HAT1: variants seen among roughly 807,000 people sequenced by gnomAD.
HAT1 encodes the protein histone acetyltransferase type B catalytic subunit.
A neutral mutation model predicts 56.6 loss-of-function variants in HAT1; 20 were observed. The observed-to-expected ratio is 0.35, with a 90% CI of 0.25 to 0.51. The LOEUF is 0.51. Among genes scored for constraint, HAT1 ranks in the 20% least tolerant of loss-of-function variants. The probability of loss-of-function intolerance (pLI) is 0.95; values close to 1 mark genes in which losing one functional copy is unlikely to be tolerated. For synonymous variants in HAT1, 146 were observed against 165.5 expected (o/e 0.88, Z 0.91); for missense variants, 408 against 504.3 (o/e 0.81, Z 1.83).
intron 6 of HAT1, 129 bp downstream of exon 6, chr2:171,966,037 G>A: frequency 1.2e-6 from 1 of 841,524 alleles, no homozygotes; most frequent in Non-Finnish European, 1.9e-6. Context: ...TTGTTTATGA[G>A]GCTTGAGTTT....
intron 2 of HAT1, among the ~76,000 whole-genome samples, chr2:171,935,515 CAAAAAAAAAAA>C (rs56220004): frequency 7.2e-5 from 4 of 55,652 alleles, no homozygotes; most frequent in South Asian, 8.8e-4. Context: ...AACTCCATCT[CAAAAAAAAAAA>C]AAAAAAAAAA....
intron 4 of HAT1, among the ~76,000 whole-genome samples, chr2:171,963,935 A>C (rs1056476420): frequency 1.3e-5 from 2 of 152,222 alleles, no homozygotes; most frequent in African/African-American, 4.8e-5. Context: ...ACTGTTGGGC[A>C]AAATGCTGAA....
At chr2:171,947,192 T>A (rs1442794533) in intron 3 of HAT1, among the ~76,000 whole-genome samples, 1 of 152,150 alleles carries the variant, frequency 6.6e-6, no homozygotes, top group South Asian at 2.1e-4. Context: ...AAAGCTGTAA[T>A]AGAAAGCTTA....
chr2:171,966,872 G>A lies in HAT1; in HGVS notation c.746G>A (p.Gly249Asp). The change falls in exon 8 of 11, where the codon GGT becomes GAT. Residue 249 changes from glycine (G) to aspartate (D), a missense_variant. Transcript: ENST00000264108. ...SQMLILTPFQGQGHGAQLLET... is the reference protein window; with the variant it reads ...SQMLILTPFQDQGHGAQLLET... ...ATGCTGATTTTGACTCCATTTCAAG[G>A]TCAAGGCCATGGTGCTCAACTTCTT... 1 of 1,588,340 alleles carries A rather than the reference G, an allele frequency of 6.3e-7. No homozygotes were observed. The highest frequency in any genetic ancestry group is 8.6e-7 in the Non-Finnish European group (1 of 1,157,852).
chr2:171,956,499 C>T (rs1244005626), intron 4 of HAT1, among the ~76,000 whole-genome samples: 1 of 150,736 alleles, frequency 6.6e-6, no homozygotes, highest in Non-Finnish European at 1.5e-5. Flanking sequence ...GTGACAGAGC[C>T]AGACCTTGTC....
chr2:171,961,873 A>G (rs761485898), intron 4 of HAT1, among the ~76,000 whole-genome samples: 14 of 147,338 alleles, frequency 9.5e-5, no homozygotes, highest in Non-Finnish European at 1.8e-4. Context: ...TTAAGTAGAT[A>G]CAGAATTTCT....
At chr2:171,968,738 T>C (rs1036385978) in intron 8 of HAT1, among the ~76,000 whole-genome samples, 2 of 152,180 alleles carry the variant, frequency 1.3e-5, no homozygotes, top group African/African-American at 4.8e-5. Context: ...TTATTTCTCC[T>C]AGATTTCCAT....
At chr2:171,977,523 G>GAATATATATATATA (rs1687999509) in intron 9 of HAT1, among the ~76,000 whole-genome samples, 2 of 47,478 alleles carry the variant, frequency 4.2e-5, no homozygotes, top group African/African-American at 1.2e-4. Context: ...ACAGGCATAT[G>GAATATATATATATA]AATATATATA....
intron 2 of HAT1, among the ~76,000 whole-genome samples, chr2:171,944,143 CA>C (rs36067235): frequency 0.46 from 62,869 of 137,944 alleles, 14,398 homozygotes; most frequent in Middle Eastern, 0.59. Context: ...AACCCTGTCT[CA>C]AAAAAAAAAA....
intron 4 of HAT1, among the ~76,000 whole-genome samples, chr2:171,959,389 A>C (rs1250767142): frequency 6.6e-6 from 1 of 152,232 alleles, no homozygotes; most frequent in African/African-American, 2.4e-5. Context: ...TTCCAAAGGA[A>C]CTATTGATTT....
At chr2:171,940,558 A>G (rs1460697029) in intron 2 of HAT1, among the ~76,000 whole-genome samples, 3 of 152,252 alleles carry the variant, frequency 2.0e-5, no homozygotes, top group Non-Finnish European at 1.5e-5. Flanking sequence ...TTGGTTAGCC[A>G]TTAAGAATGG....
intron 8 of HAT1, among the ~76,000 whole-genome samples, chr2:171,969,593 A>G (rs1687764614): frequency 1.3e-5 from 2 of 152,244 alleles, no homozygotes; most frequent in African/African-American, 4.8e-5. Flanking sequence ...GATGTCATAC[A>G]TTATTGGGTG....
intron 2 of HAT1, among the ~76,000 whole-genome samples, chr2:171,933,297 G>A (rs369490330): frequency 5.9e-5 from 9 of 152,272 alleles, no homozygotes; most frequent in African/African-American, 1.9e-4. Context: ...GGGCTCAAGT[G>A]ATCCTCCTGC....
chr2:171,972,216 T>G (rs1437479955), intron 8 of HAT1, among the ~76,000 whole-genome samples: 4 of 25,768 alleles, frequency 1.6e-4, no homozygotes, highest in Admixed American at 3.1e-4. Flanking sequence ...TTTCTTTTGT[T>G]TTTTTTTTTT....
chr2:171,939,334 T>C (rs1041107238), intron 2 of HAT1, among the ~76,000 whole-genome samples: 1 of 152,210 alleles, frequency 6.6e-6, no homozygotes, highest in Non-Finnish European at 1.5e-5. Context: ...CCCTAATACT[T>C]CTGCTTTGGC....
intron 4 of HAT1, among the ~76,000 whole-genome samples, chr2:171,960,723 TG>T (rs2105331601): frequency 6.6e-6 from 1 of 152,292 alleles, no homozygotes; most frequent in East Asian, 1.9e-4. Flanking sequence ...CCTTGACCTT[TG>T]CTTTTATTAA....
intron 2 of HAT1, among the ~76,000 whole-genome samples, chr2:171,941,511 C>A (rs1243315197): frequency 6.6e-6 from 1 of 152,210 alleles, no homozygotes; most frequent in Non-Finnish European, 1.5e-5. Context: ...TAACGTTAAT[C>A]TGTATTTGCA....
At chr2:171,983,081 G>T (rs77465418) in intron 10 of HAT1, 104 bp from the exon 11 acceptor site, 59,464 of 626,544 alleles carry the variant, frequency 0.095, 3,496 homozygotes, top group Admixed American at 0.22. Context: ...AAGTTTGGGC[G>T]TATTCATACT....
At chr2:171,948,414 G>A (rs981377939) in intron 3 of HAT1, among the ~76,000 whole-genome samples, 3 of 152,008 alleles carry the variant, frequency 2.0e-5, no homozygotes, top group Admixed American at 6.6e-5. Flanking sequence ...TAGTAGAGAC[G>A]GGGTTTCACC....
Sources: allele counts gnomAD v4.1 joint callset (sites outside exome capture counted in the v4.1 genomes callset), GRCh38; gene constraint gnomAD v4.1.1; transcripts MANE v1.5; gene names NCBI Gene and HGNC (gene_info 2026-07-23, HGNC 2026-07-21).